ATIC: variants seen among roughly 807,000 people sequenced by gnomAD.
The protein encoded by ATIC is bifunctional purine biosynthesis protein ATIC.
In ATIC, 64 loss-of-function variants were observed where a neutral mutation model predicts 72.5. The observed-to-expected ratio is 0.88, with a 90% confidence interval of 0.72 to 1.09. The LOEUF is 1.09. Among genes scored for constraint, ATIC ranks in the 50% least tolerant of loss-of-function variants. The pLI, the probability that ATIC is intolerant of heterozygous loss-of-function variation, is 0.00. For synonymous variants in ATIC, 281 were observed against 267.1 expected (o/e 1.05, Z -0.51); for missense variants, 787 against 732.4 (o/e 1.07, Z -0.86).
intron 12 of ATIC, among the ~76,000 whole-genome samples, chr2:215,342,021 A>G (rs2053024793): frequency 6.6e-6 from 1 of 151,644 alleles, no homozygotes; most frequent in African/African-American, 2.4e-5. Flanking sequence ...TTACTGTCAG[A>G]TCTCATGAGA....
intron 4 of ATIC, among the ~76,000 whole-genome samples, chr2:215,320,969 C>A (rs12620277): frequency 6.6e-6 from 1 of 152,042 alleles, no homozygotes; most frequent in Non-Finnish European, 1.5e-5. Context: ...AAGGGATCTC[C>A]CCCGTGACCC....
the ATIC span, chr2:215,364,480 ACAT>A: frequency 3.4e-6 from 1 of 292,204 alleles, no homozygotes; most frequent in South Asian, 3.6e-5. Context: ...GAAATGAAAC[ACAT>A]TCTATTTACC....
Position 215,346,766 on chromosome 2 carries a change from G to T in ATIC, c.1328G>T (p.Gly443Val). Residue 443 changes from glycine to valine, a missense_variant, in exon 14 of 16, where the codon GGC becomes GTC. Physicochemically the swap from Gly to Val is moderately radical, Grantham distance 109. Coordinates refer to ENST00000236959, the MANE Select transcript of ATIC (RefSeq NM_004044.7). ...VCYAKNGQVI[G>V]IGAGQQSRIH... The stretch of plus-strand genomic sequence containing the variant: ...AATGTCTGTGTTCCTCAGGTTATCG[G>T]CATTGGAGCAGGACAGCAGTCTCGT... The T allele has an allele frequency of 1.2e-6, 2 of 1,614,086 alleles. No homozygotes were observed. Among genetic ancestry groups the T allele is most frequent in the Non-Finnish European group, 1.7e-6 (2 of 1,179,994 alleles).
At chr2:215,350,278 A>G (rs182411559), downstream of ATIC, among the ~76,000 whole-genome samples, 200 of 152,294 alleles carry the variant, frequency 1.3e-3, 1 homozygote, top group African/African-American at 4.6e-3. Flanking sequence ...CTGGGACTAC[A>G]GGCATGTGCC....
At chr2:215,365,565 C>T in the ATIC span, 1 of 1,614,022 alleles carries the variant, frequency 6.2e-7, no homozygotes. Flanking sequence ...ATCATCTGGC[C>T]ATTTTCTCCC....
At chr2:215,345,066 C>A in intron 13 of ATIC, 195 bp downstream of exon 13, 1 of 654,746 alleles carries the variant, frequency 1.5e-6, no homozygotes, top group Non-Finnish European at 2.7e-6. Flanking sequence ...TCTTTGGAAC[C>A]AGGTACTCAA....
intron 2 of ATIC, among the ~76,000 whole-genome samples, chr2:215,313,067 A>G (rs2052672386): frequency 6.6e-6 from 1 of 152,198 alleles, no homozygotes; most frequent in Admixed American, 6.5e-5. Flanking sequence ...ACTGCACTCC[A>G]TCCTGGGTGA....
chr2:215,324,237 C>CT (rs2052798828), intron 4 of ATIC, among the ~76,000 whole-genome samples: 1 of 152,208 alleles, frequency 6.6e-6, no homozygotes, highest in Non-Finnish European at 1.5e-5. Context: ...GTATTTTAGT[C>CT]TTTCACCATC....
chr2:215,366,635 T>C, the ATIC span, among the ~76,000 whole-genome samples: 3 of 152,300 alleles, frequency 2.0e-5, no homozygotes, highest in East Asian at 3.9e-4. Context: ...GAAGCTTATA[T>C]AACAATATAC....
the ATIC span, among the ~76,000 whole-genome samples, chr2:215,356,797 T>C: frequency 6.6e-6 from 1 of 152,230 alleles, no homozygotes; most frequent in Non-Finnish European, 1.5e-5. Context: ...AGATATTTCA[T>C]TATATGGATA....
At chr2:215,360,130 G>T in the ATIC span, among the ~76,000 whole-genome samples, 1 of 152,142 alleles carries the variant, frequency 6.6e-6, no homozygotes, top group South Asian at 2.1e-4. Flanking sequence ...TAGAGACAAG[G>T]TTTCACCATG....
chr2:215,334,034 T>C (rs1011912968), intron 9 of ATIC, among the ~76,000 whole-genome samples: 6 of 148,194 alleles, frequency 4.0e-5, no homozygotes, highest in Non-Finnish European at 8.9e-5. Context: ...AGAGCGATAC[T>C]CCGTCTCAAA....
At chr2:215,342,311 T>TA (rs1559278456) in intron 12 of ATIC, among the ~76,000 whole-genome samples, 9 of 151,434 alleles carry the variant, frequency 5.9e-5, no homozygotes, top group Admixed American at 4.6e-4. Flanking sequence ...AATAATACCT[T>TA]AGAGTAATAA....
chr2:215,365,472 A>G, the ATIC span: 1 of 1,610,122 alleles, frequency 6.2e-7, no homozygotes, highest in Middle Eastern at 1.7e-4. Flanking sequence ...AGAATGCTTA[A>G]TAAGGCACTA....
At chr2:215,330,520 T>A (rs1481813031) in intron 7 of ATIC, among the ~76,000 whole-genome samples, 1 of 152,142 alleles carries the variant, frequency 6.6e-6, no homozygotes, top group Non-Finnish European at 1.5e-5. Context: ...TTAACCAAGG[T>A]TCATAGTTTA....
chr2:215,350,943 T>C (rs1379691650), downstream of ATIC, among the ~76,000 whole-genome samples: 1 of 152,236 alleles, frequency 6.6e-6, no homozygotes, highest in African/African-American at 2.4e-5. Flanking sequence ...GTCATCTTTC[T>C]AAGTTATTTC....
intron 12 of ATIC, among the ~76,000 whole-genome samples, chr2:215,343,639 T>TA (rs146946191): frequency 0.01 from 1,544 of 152,334 alleles, 27 homozygotes; most frequent in African/African-American, 0.035. Context: ...CCTGTCCTGT[T>TA]ACAGAGTTTT....
chr2:215,368,449 G>A, the ATIC span, among the ~76,000 whole-genome samples: 5 of 152,214 alleles, frequency 3.3e-5, no homozygotes, highest in Admixed American at 2.6e-4. Flanking sequence ...CAATACTAGC[G>A]TAATAATAAA....
At chr2:215,348,990 G>T in intron 14 of ATIC, 104 bp from the exon 15 acceptor site, 2 of 1,043,954 alleles carry the variant, frequency 1.9e-6, no homozygotes, top group Non-Finnish European at 2.8e-6. Flanking sequence ...ATAAAAACAA[G>T]TCCTAAGAAA....
Sources: allele counts gnomAD v4.1 joint callset (sites outside exome capture counted in the v4.1 genomes callset), GRCh38; gene constraint gnomAD v4.1.1; transcripts MANE v1.5; gene names NCBI Gene and HGNC (gene_info 2026-07-23, HGNC 2026-07-21).